The following CEP72 variants were observed in gnomAD, a reference collection of about 807,000 sequenced individuals.
The protein encoded by CEP72 is centrosomal protein 72, also known as centrosomal protein of 72 kDa.
A neutral mutation model predicts 65.7 loss-of-function variants in CEP72; 78 were observed. That is an observed-to-expected ratio of 1.19 (90% CI 0.99 to 1.43). The LOEUF (loss-of-function observed/expected upper bound fraction) is 1.43, where lower values mean the gene tolerates loss of function less well. Ranked by LOEUF, CEP72 falls within the 40% of genes most tolerant of loss-of-function variation. The pLI is 0.00. For synonymous variants in CEP72, 358 were observed against 351.7 expected (o/e 1.02, Z -0.20); for missense variants, 914 against 832.9 (o/e 1.10, Z -1.20).
chr5:613,360 C>G (rs1735794179), intron 1 of CEP72, among the ~76,000 whole-genome samples: 1 of 151,684 alleles, frequency 6.6e-6, no homozygotes, highest in African/African-American at 2.4e-5. Context: ...ATCCATCTCC[C>G]CAAGGAGATC....
intron 5 of CEP72, among the ~76,000 whole-genome samples, chr5:634,939 A>G (rs1055138027): frequency 1.3e-5 from 2 of 152,186 alleles, no homozygotes; most frequent in Non-Finnish European, 2.9e-5. Context: ...TCTGCCGCCC[A>G]GGCTGGAGTG....
chr5:612,992 T>C (rs1222291250), intron 1 of CEP72, among the ~76,000 whole-genome samples: 1 of 152,266 alleles, frequency 6.6e-6, no homozygotes, highest in Non-Finnish European at 1.5e-5. Flanking sequence ...TTCCTGGAAT[T>C]TTCCAGTGAA....
At chr5:639,335 C>T in intron 8 of CEP72, 111 bp downstream of exon 8, 1 of 1,286,054 alleles carries the variant, frequency 7.8e-7, no homozygotes, top group Non-Finnish European at 1.1e-6. Context: ...CTCCTATGTC[C>T]CCTCCCACGA....
intron 1 of CEP72, among the ~76,000 whole-genome samples, chr5:615,510 C>CAAA (rs1735938860): frequency 6.6e-6 from 1 of 152,152 alleles, no homozygotes; most frequent in Non-Finnish European, 1.5e-5. Context: ...ACGGTAGCTT[C>CAAA]TTTTGATTGG....
Position 640,506 on chromosome 5 carries a change from A to C in CEP72, c.1441A>C (p.Ser481Arg), listed in dbSNP as rs769055825. Reference sequence around the variant, plus strand: ...AGATGTCGGCTCCCTGGCTCTGGAGAGTAAGTCCCTGCAAAGCCGCCTTGC... The same window carrying C: ...AGATGTCGGCTCCCTGGCTCTGGAGCGTAAGTCCCTGCAAAGCCGCCTTGC... Reference protein sequence around the residue: ...GEDVGSLALESKSLQSRLAEQ... With the variant: ...GEDVGSLALERKSLQSRLAEQ... The change falls in exon 9 of 12, where the codon AGT becomes CGT. Residue 481 changes from serine to arginine, a missense_variant. Coordinates refer to ENST00000264935, the MANE Select transcript of CEP72 (RefSeq NM_018140.4). 3.7e-6 allele frequency: 6 copies of C among 1,614,178 alleles called. No individual in the cohort carries two copies. The highest frequency in any genetic ancestry group is 5.1e-6 in the Non-Finnish European group (6 of 1,180,040).
intron 8 of CEP72, among the ~76,000 whole-genome samples, 174 bp downstream of exon 8, chr5:639,398 G>A (rs111666245): frequency 3.3e-5 from 5 of 152,346 alleles, no homozygotes; most frequent in South Asian, 4.1e-4. Context: ...GCATCTCACA[G>A]TGTCCAGGGC....
chr5:666,129 G>GGGGCACAGGCAGTCGACTTA lies in CEP72; in HGVS notation n.592+40_592+41insAGTCGACTTAGGGCACAGGC, dbSNP rs1554021107. 1.8e-3 allele frequency: 2,923 copies of GGGGCACAGGCAGTCGACTTA among 1,606,800 alleles called. 52 individuals carry two copies. The African/African-American group carries it at 0.035, about 19-fold the overall frequency. On this transcript the variant is annotated intron_variant and non_coding_transcript_variant, in intron 4 of 4. Transcript: ENST00000514507. ...TGGTCCGGCAAGACTTCCCTCTACA[G>GGGGCACAGGCAGTCGACTTA]GGGCACAGGCGACTTAGGGCTGGGC...
At chr5:643,760 A>G in intron 9 of CEP72, 2 of 672,158 alleles carry the variant, frequency 3.0e-6, no homozygotes, top group Non-Finnish European at 3.7e-6. Flanking sequence ...AGGGAGGGGC[A>G]GAGGCTGCCG....
chr5:644,144 G>A lies in CEP72; in HGVS notation c.1540-155G>A, dbSNP rs887930632. 3.0e-5 allele frequency: 24 copies of A among 796,368 alleles called. 1 individual carries two copies. In the East Asian group the frequency reaches 5.8e-4, roughly 19 times the overall value. The allele number at this position is 796,368 out of a possible 1,614,324, so 49.3% of individuals were successfully genotyped here. ...CTGGGCAGGGCGGGCTGGGAGCAGG[G>A]AGATGTACCGTGAAACTGAATTACT... is the stretch of plus-strand genomic sequence containing the variant. On this transcript the variant is annotated intron_variant, in intron 9 of 11. Transcript: ENST00000264935.
At chr5:634,123 T>C (rs75596500) in intron 5 of CEP72, among the ~76,000 whole-genome samples, 176 bp downstream of exon 5, 1 of 152,026 alleles carries the variant, frequency 6.6e-6, no homozygotes, top group Non-Finnish European at 1.5e-5. Flanking sequence ...TACAGAGTTA[T>C]AAATGAGAAA....
At chr5:622,792 A>G (rs1197969850) in intron 3 of CEP72, among the ~76,000 whole-genome samples, 1 of 152,182 alleles carries the variant, frequency 6.6e-6, no homozygotes, top group Non-Finnish European at 1.5e-5. Context: ...AAACCCAATT[A>G]GGATTTCGCT....
At chr5:648,587 G>A (rs1435517016) in intron 11 of CEP72, among the ~76,000 whole-genome samples, 2 of 146,542 alleles carry the variant, frequency 1.4e-5, no homozygotes, top group African/African-American at 5.1e-5. Context: ...TGACTGTGAG[G>A]TGTGACTGTG....
At chr5:649,080 GACTGTGA>G (rs1272174360) in intron 11 of CEP72, among the ~76,000 whole-genome samples, 1 of 142,426 alleles carries the variant, frequency 7.0e-6, no homozygotes, top group Non-Finnish European at 1.5e-5. Context: ...TGTGAGGTGT[GACTGTGA>G]GGTGTGACTG....
intron 3 of CEP72, among the ~76,000 whole-genome samples, chr5:621,723 C>T (rs368319154): frequency 3.3e-5 from 5 of 152,304 alleles, no homozygotes; most frequent in African/African-American, 9.6e-5. Context: ...GACTGGCCTG[C>T]GGTATCTTGA....
chr5:649,386 CTGTGAGGTGTGCCTGTGAGGCGTGGA>C lies in CEP72; in HGVS notation c.1778+1471_1778+1496del, dbSNP rs1561062986. Among the ~76,000 whole-genome samples the C allele has an allele frequency of 4.4e-4, 49 of 110,600 alleles. 2 individuals are homozygous for C. Among genetic ancestry groups the C allele is most frequent in the African/African-American group, 1.2e-3 (30 of 25,252 alleles). 72.6% of individuals were successfully genotyped at this position (110,600 alleles called of 152,430 possible). A position where few individuals can be genotyped will look rare whatever the true frequency, so the allele number is the denominator to read the frequency against. On this transcript the variant is annotated intron_variant, in intron 11 of 11. Coordinates refer to ENST00000264935, the MANE Select transcript of CEP72 (RefSeq NM_018140.4). ...TGTGAGGTGTGACTGTGAGGTGTGACTGTGAGGTGTGCCTGTGAGGCGTGGACTGTGAGGCGTGGACTGTGAGGGGT... is the reference window on the plus strand; with the variant it reads ...TGTGAGGTGTGACTGTGAGGTGTGACCTGTGAGGCGTGGACTGTGAGGGGT...
At position 645,678 on chromosome 5, in the gene CEP72, C is replaced by T. The variant is rs1037465529; in HGVS notation, c.1666+1253C>T. On this transcript the variant is annotated intron_variant, in intron 10 of 11. Transcript: ENST00000264935. The surrounding 1 kb of genome is among the most constrained non-coding windows in gnomAD (Gnocchi z 4.0). ...CTGATCAGCACTGGTACCCGCTCCA[C>T]GCCCTGAGCTGCTGGGATAGGCTGC... Among the ~76,000 whole-genome samples the T allele has an allele frequency of 2.0e-5, 3 of 152,232 alleles. No individual in the cohort carries two copies. The highest frequency in any genetic ancestry group is 4.8e-5 in the African/African-American group (2 of 41,462).
At chr5:637,969 A>C in intron 7 of CEP72, 151 bp downstream of exon 7, 1 of 765,392 alleles carries the variant, frequency 1.3e-6, no homozygotes, top group Non-Finnish European at 2.0e-6. Context: ...GATTACGCCT[A>C]CGGCACTGAC....
chr5:649,941 CTG>C (rs1318495628), intron 11 of CEP72, among the ~76,000 whole-genome samples: 3 of 78,198 alleles, frequency 3.8e-5, no homozygotes, highest in Non-Finnish European at 4.4e-5. Flanking sequence ...TGAGGCGTGA[CTG>C]TGAGGCGTGA....
intron 8 of CEP72, among the ~76,000 whole-genome samples, chr5:639,771 G>A (rs1439662579): frequency 1.6e-4 from 24 of 152,202 alleles, no homozygotes; most frequent in Admixed American, 2.0e-4. Flanking sequence ...GTCCCCAGGG[G>A]CACCTTCTCT....
Sources: allele counts gnomAD v4.1 joint callset (sites outside exome capture counted in the v4.1 genomes callset), GRCh38; gene constraint gnomAD v4.1.1; non-coding constraint Gnocchi (gnomAD v3.1); transcripts MANE v1.5; gene names NCBI Gene and HGNC (gene_info 2026-07-23, HGNC 2026-07-21).